The following ZDHHC13 variants were observed in gnomAD, a reference collection of about 807,000 sequenced individuals.
ZDHHC13 encodes the protein zDHHC palmitoyltransferase 13.
In ZDHHC13, 85 loss-of-function variants were observed where a neutral mutation model predicts 86.0. That is an observed-to-expected ratio of 0.99 (90% CI 0.83 to 1.18). ZDHHC13 has a LOEUF of 1.18. Ranked by LOEUF, ZDHHC13 falls within the 50% of genes most tolerant of loss-of-function variation. ZDHHC13 has a pLI of 0.00. For missense variants in ZDHHC13, 711 were observed against 730.2 expected, an observed-to-expected ratio of 0.97 and a Z score of 0.30; for synonymous variants, 263 against 246.4, an observed-to-expected ratio of 1.07 and a Z score of -0.63.
intron 10 of ZDHHC13, among the ~76,000 whole-genome samples, chr11:19,161,354 G>T (rs1186191096): frequency 6.6e-6 from 1 of 151,958 alleles, no homozygotes; most frequent in African/African-American, 2.4e-5. Context: ...ACAGAAACAA[G>T]CTCATGGTGT....
intron 1 of ZDHHC13, among the ~76,000 whole-genome samples, chr11:19,131,342 T>G (rs553101069): frequency 1.9e-4 from 29 of 152,306 alleles, no homozygotes; most frequent in South Asian, 1.4e-3. Flanking sequence ...TTATGATATG[T>G]CTTGGTGTAG....
rs1242358719 is a variant in ZDHHC13, at chr11:19,133,947, G to A, written c.28-9031G>A. Among the ~76,000 whole-genome samples the A allele has an allele frequency of 1.1e-3, 46 of 42,632 alleles. 1 individual carries two copies. The East Asian group carries it at 0.016, about 15-fold the overall frequency. The allele number at this position is 42,632 out of a possible 152,430, so 28.0% of individuals were successfully genotyped here. On this transcript the variant is annotated intron_variant, in intron 1 of 16. Transcript: ENST00000446113. ...TATATATATATATATATATATACAC[G>A]TATGTGTTTTATATACTTCAGTCTT...
intron 3 of ZDHHC13, among the ~76,000 whole-genome samples, chr11:19,147,379 G>A (rs1240557730): frequency 6.6e-6 from 1 of 152,060 alleles, no homozygotes; most frequent in African/African-American, 2.4e-5. Context: ...AATTACAGCA[G>A]GACTAATTAC....
chr11:19,142,904 A>T (rs186367073), intron 1 of ZDHHC13, 74 bp from the exon 2 acceptor site: 1 of 1,425,600 alleles, frequency 7.0e-7, no homozygotes, highest in Non-Finnish European at 9.4e-7. Context: ...TGTTGATAGT[A>T]GCAAATGCTT....
Position 19,144,763 on chromosome 11 carries a change from T to C in ZDHHC13, c.174-1418T>C, listed in dbSNP as rs147688701. 6.2e-3 allele frequency among the ~76,000 whole-genome samples: 946 copies of C among 152,272 alleles called. 14 individuals carry two copies. Among genetic ancestry groups the C allele is most frequent in the African/African-American group, 0.021 (879 of 41,540 alleles). Reference sequence around the variant, plus strand: ...CGGGCTTATTGGAACTTTCAGGTAGTTTTAAGTAGAAATAAGTTTTAAAGA... The same window carrying C: ...CGGGCTTATTGGAACTTTCAGGTAGCTTTAAGTAGAAATAAGTTTTAAAGA... On this transcript the variant is annotated intron_variant, in intron 2 of 16. Coordinates refer to ENST00000446113, the MANE Select transcript of ZDHHC13 (RefSeq NM_019028.3).
At chr11:19,171,908 G>A (rs1264938628) in intron 15 of ZDHHC13, among the ~76,000 whole-genome samples, 3 of 152,042 alleles carry the variant, frequency 2.0e-5, no homozygotes, top group Non-Finnish European at 2.9e-5. Context: ...GGCTTTGACT[G>A]TAGCAAGTCA....
At chr11:19,171,872 AT>A in intron 15 of ZDHHC13, among the ~76,000 whole-genome samples, 1 of 152,152 alleles carries the variant, frequency 6.6e-6, no homozygotes, top group East Asian at 1.9e-4. Context: ...GGAAACGTTC[AT>A]TTCCTGAGCG....
chr11:19,153,042 A>T (rs1352537708), intron 8 of ZDHHC13, among the ~76,000 whole-genome samples: 2 of 152,202 alleles, frequency 1.3e-5, no homozygotes, highest in Non-Finnish European at 2.9e-5. Flanking sequence ...GGAATAGTTT[A>T]TTCCTTACTA....
rs1327469911 is a variant in ZDHHC13, at chr11:19,138,720, C to A, written c.28-4258C>A. 2.0e-5 allele frequency among the ~76,000 whole-genome samples: 3 copies of A among 151,736 alleles called. No homozygotes were observed. In the East Asian group the frequency reaches 5.8e-4, roughly 29 times the overall value. ...CATCAAAAAGCTTATCCACCATGAT[C>A]AAGTGGGCTTCATACCTGGGATGCA... On this transcript the variant is annotated intron_variant, in intron 1 of 16. Transcript: ENST00000446113.
intron 1 of ZDHHC13, among the ~76,000 whole-genome samples, chr11:19,119,220 C>A (rs903578469): frequency 6.6e-6 from 1 of 152,120 alleles, no homozygotes; most frequent in Non-Finnish European, 1.5e-5. Context: ...ATATGATTCC[C>A]CTGCCTCAGC....
At chr11:19,154,121 T>C (rs183036246) in intron 8 of ZDHHC13, among the ~76,000 whole-genome samples, 3 of 152,340 alleles carry the variant, frequency 2.0e-5, no homozygotes. Context: ...GGTTTTTATA[T>C]ACTATAAAAT....
chr11:19,168,705 C>A, intron 14 of ZDHHC13: 1 of 684,112 alleles, frequency 1.5e-6, no homozygotes, highest in Non-Finnish European at 1.8e-6. Context: ...TCACTGTCAT[C>A]CCACCTCCCT....
chr11:19,162,653 A>G (rs1044703230), intron 10 of ZDHHC13, among the ~76,000 whole-genome samples: 5 of 152,242 alleles, frequency 3.3e-5, no homozygotes, highest in Admixed American at 6.5e-5. Context: ...TGGTGATCCA[A>G]TGATTCCCCT....
intron 1 of ZDHHC13, among the ~76,000 whole-genome samples, chr11:19,140,154 G>A (rs562467747): frequency 1.4e-4 from 21 of 149,970 alleles, no homozygotes; most frequent in South Asian, 2.1e-4. Context: ...GAAAATTTTC[G>A]CAACCTACTC....
Position 19,123,454 on chromosome 11 carries a change from A to G in ZDHHC13, c.27+6178A>G, listed in dbSNP as rs562915028. Among the ~76,000 whole-genome samples, 119 of 152,132 alleles carry G rather than the reference A, an allele frequency of 7.8e-4. 1 individual carries two copies. Among genetic ancestry groups the G allele is most frequent in the African/African-American group, 2.6e-3 (109 of 41,484 alleles). ...CCAGTCTGGGCAACATAACGAGACC[A>G]GTCTGGGCAACATAACGAGACCTAT... On this transcript the variant is annotated intron_variant, in intron 1 of 16. Coordinates refer to ENST00000446113, the MANE Select transcript of ZDHHC13 (RefSeq NM_019028.3).
intron 1 of ZDHHC13, among the ~76,000 whole-genome samples, chr11:19,139,745 C>T (rs1849255300): frequency 7.0e-6 from 1 of 143,018 alleles, no homozygotes; most frequent in Non-Finnish European, 1.5e-5. Context: ...GAACAGAGCC[C>T]TCAGAAATAA....
At chr11:19,172,247 A>G (rs1319050570) in intron 15 of ZDHHC13, among the ~76,000 whole-genome samples, 1 of 151,886 alleles carries the variant, frequency 6.6e-6, no homozygotes, top group East Asian at 1.9e-4. Context: ...TAATTTTTGT[A>G]TTTTTAGTGG....
At chr11:19,132,053 G>A (rs978571922) in intron 1 of ZDHHC13, among the ~76,000 whole-genome samples, 2 of 151,940 alleles carry the variant, frequency 1.3e-5, no homozygotes, top group Admixed American at 1.3e-4. Flanking sequence ...AGCTAATTTT[G>A]TCATCTTTAT....
At chr11:19,165,234 C>T in intron 13 of ZDHHC13, 89 bp downstream of exon 13, 3 of 1,236,036 alleles carry the variant, frequency 2.4e-6, no homozygotes, top group Non-Finnish European at 2.3e-6. Context: ...CATCCTAGGG[C>T]TCCATTTTCA....
Sources: gnomAD v4.1 joint callset for allele counts (sites outside exome capture counted in the v4.1 genomes callset) on GRCh38, gnomAD v4.1.1 for gene constraint, MANE v1.5 for transcripts, NCBI Gene and HGNC (gene_info 2026-07-23, HGNC 2026-07-21) for gene names.